The following GABPB2 variants were observed in gnomAD, a reference collection of about 807,000 sequenced individuals.
GABPB2 encodes GA binding protein transcription factor subunit beta 2.
Under a neutral mutation model 39.1 loss-of-function variants are expected in GABPB2, and 23 were observed. The observed-to-expected ratio is 0.59, with a 90% CI of 0.42 to 0.83. The LOEUF (loss-of-function observed/expected upper bound fraction) is 0.83, where lower values mean the gene tolerates loss of function less well. Among genes scored for constraint, GABPB2 ranks in the 40% least tolerant of loss-of-function variants. GABPB2 has a pLI of 0.00. For missense variants in GABPB2, 467 were observed against 541.1 expected, an observed-to-expected ratio of 0.86 and a Z score of 1.36; for synonymous variants, 184 against 199.3, an observed-to-expected ratio of 0.92 and a Z score of 0.65.
chr1:151,072,268 C>A (rs587594266), intron 1 of GABPB2, among the ~76,000 whole-genome samples: 5 of 152,206 alleles, frequency 3.3e-5, no homozygotes, highest in African/African-American at 1.2e-4. Flanking sequence ...AGGTTTTGGC[C>A]GGGCGCAGTG....
intron 5 of GABPB2, 74 bp from the exon 6 acceptor site, chr1:151,103,488 T>C (rs1679700764): frequency 1.1e-6 from 1 of 938,810 alleles, no homozygotes; most frequent in African/African-American, 1.6e-5. Context: ...GAGGTTTTGA[T>C]TTAATAAGCT....
chr1:151,084,507 T>C (rs1218039043), intron 1 of GABPB2, among the ~76,000 whole-genome samples: 1 of 149,736 alleles, frequency 6.7e-6, no homozygotes, highest in Non-Finnish European at 1.5e-5. Context: ...ATTACAGTCA[T>C]GAGCCACCGC....
chr1:151,090,353 C>A (rs1678565481), intron 2 of GABPB2, 53 bp from the exon 3 acceptor site: 7 of 1,504,932 alleles, frequency 4.7e-6, no homozygotes, highest in African/African-American at 1.4e-5. Flanking sequence ...TCTCCAGTAA[C>A]GATCTAGGAC....
At chr1:151,082,610 T>A (rs945145041) in intron 1 of GABPB2, among the ~76,000 whole-genome samples, 1 of 150,826 alleles carries the variant, frequency 6.6e-6, no homozygotes, top group Non-Finnish European at 1.5e-5. Flanking sequence ...GCGGTTTCAC[T>A]GTGTTAACCA....
At chr1:151,098,059 A>G in intron 5 of GABPB2, 57 bp downstream of exon 5, 1 of 1,497,364 alleles carries the variant, frequency 6.7e-7, no homozygotes, top group Non-Finnish European at 9.2e-7. Flanking sequence ...AGAACCCTAG[A>G]TTTTCCAGGA....
chr1:151,073,983 T>C (rs1473795421), intron 1 of GABPB2, among the ~76,000 whole-genome samples: 7 of 148,834 alleles, frequency 4.7e-5, no homozygotes, highest in African/African-American at 7.4e-5. Flanking sequence ...TTATTTCTTT[T>C]TTTTTTTTTT....
intron 5 of GABPB2, among the ~76,000 whole-genome samples, chr1:151,101,090 CA>C (rs71090129): frequency 0.077 from 10,167 of 132,232 alleles, 378 homozygotes; most frequent in Middle Eastern, 0.14. Context: ...ACAAAAAATA[CA>C]AAAAAAAAAA....
At chr1:151,110,817 G>T (rs763701093) in intron 7 of GABPB2, among the ~76,000 whole-genome samples, 110 of 152,230 alleles carry the variant, frequency 7.2e-4, no homozygotes, top group Non-Finnish European at 9.8e-4. Flanking sequence ...GATTTCATGA[G>T]TTATCTGCAG....
At chr1:151,115,460 G>A (rs1253874715) in intron 7 of GABPB2, among the ~76,000 whole-genome samples, 1 of 149,882 alleles carries the variant, frequency 6.7e-6, no homozygotes, top group Non-Finnish European at 1.5e-5. Context: ...GAGTGCAGTG[G>A]CACTATCTCA....
chr1:151,116,441 TGTGTA>T, intron 7 of GABPB2, among the ~76,000 whole-genome samples: 1 of 150,550 alleles, frequency 6.6e-6, no homozygotes, highest in South Asian at 2.1e-4. Context: ...TTCTGACAGA[TGTGTA>T]GTGTGTCATG....
chr1:151,097,851 GGAAGCAATGCA>G lies in GABPB2; in HGVS notation c.475_485del (p.Ala159SerfsTer5). 1 of 1,612,946 alleles carries G rather than the reference GGAAGCAATGCA, an allele frequency of 6.2e-7. No homozygotes were observed. ...TTGAAATATCCTGCCTTGTTTGATA[GGAAGCAATGCA>G]GAATCAGGTGAATGTTAATCCAGAG... On this transcript the variant is annotated frameshift_variant and splice_region_variant, in exon 5 of 9. Coordinates refer to ENST00000368918, the MANE Select transcript of GABPB2 (RefSeq NM_144618.3). LOFTEE classifies it high-confidence loss of function.
At chr1:151,095,908 C>T (rs185531976) in intron 4 of GABPB2, among the ~76,000 whole-genome samples, 24 of 151,916 alleles carry the variant, frequency 1.6e-4, no homozygotes, top group African/African-American at 5.5e-4. Flanking sequence ...TCGTGGGTGC[C>T]TGTAATCCCA....
chr1:151,077,821 C>T (rs78547174), intron 1 of GABPB2, among the ~76,000 whole-genome samples: 3,241 of 150,792 alleles, frequency 0.021, 104 homozygotes, highest in African/African-American at 0.073. Flanking sequence ...CATGGTGGCA[C>T]GTGCCACCTA....
At chr1:151,107,278 C>A in intron 7 of GABPB2, 56 bp downstream of exon 7, 1 of 1,197,744 alleles carries the variant, frequency 8.3e-7, no homozygotes, top group Non-Finnish European at 1.1e-6. Flanking sequence ...ATACTCCATA[C>A]TCACCTAAAA....
At chr1:151,092,119 T>C (rs1377785015) in intron 3 of GABPB2, among the ~76,000 whole-genome samples, 1 of 142,618 alleles carries the variant, frequency 7.0e-6, no homozygotes, top group African/African-American at 2.6e-5. Context: ...TTTTTTTTTT[T>C]TTTTTTGAGA....
chr1:151,085,983 C>T lies in GABPB2; in HGVS notation c.1-2207C>T, dbSNP rs587762821. Among the ~76,000 whole-genome samples the T allele has an allele frequency of 3.9e-4, 59 of 152,128 alleles. 1 individual carries two copies. Among genetic ancestry groups the T allele is most frequent in the Middle Eastern group, 6.8e-3 (2 of 294 alleles). ...AGAAGAGGCTGGGTGTGGTGGCTCA[C>T]GCCTGTAATCCCAACACTGGTGGGG... On this transcript the variant is annotated intron_variant, in intron 1 of 8. Transcript: ENST00000368918.
chr1:151,077,311 A>G (rs1199625786), intron 1 of GABPB2, among the ~76,000 whole-genome samples: 2 of 147,370 alleles, frequency 1.4e-5, no homozygotes, highest in Admixed American at 6.8e-5. Context: ...GGAGCCCCAC[A>G]TTATCCTGGG....
rs754955290 is a variant in GABPB2 at position 151,118,140 on chromosome 1, G to A, written c.1231G>A (p.Val411Ile). 8.1e-6 allele frequency: 13 copies of A among 1,614,040 alleles called. No homozygotes were observed. The highest frequency in any genetic ancestry group is 1.1e-5 in the South Asian group (1 of 91,090). ...CACCATGGTTGAAGAGGTGGCTGAG[G>A]TAGATGCTGTAGTAGTCACAGAGGG... ...DFTMVEEVAE[V>I]DAVVVTEGEL... is the part of the protein sequence containing the mutation. The change falls in exon 9 of 9, where the codon GTA becomes ATA. Residue 411 changes from valine to isoleucine, a missense_variant. By Grantham distance (29) the Val-to-Ile change is conservative (BLOSUM62 3). Transcript: ENST00000368918.
At chr1:151,099,174 A>G (rs1052307890) in intron 5 of GABPB2, among the ~76,000 whole-genome samples, 4 of 151,108 alleles carry the variant, frequency 2.6e-5, no homozygotes, top group Non-Finnish European at 5.9e-5. Flanking sequence ...GTTTTTCAGC[A>G]TCTCCTTTAT....
Sources: allele counts gnomAD v4.1 joint callset (sites outside exome capture counted in the v4.1 genomes callset), GRCh38; gene constraint gnomAD v4.1.1; transcripts MANE v1.5; gene names NCBI Gene and HGNC (gene_info 2026-07-23, HGNC 2026-07-21).